ADGRE1: variants seen among roughly 807,000 people sequenced by gnomAD.
ADGRE1 encodes EGF-like module receptor 1.
Under a neutral mutation model 102.7 loss-of-function variants are expected in ADGRE1, and 82 were observed. The observed-to-expected ratio is 0.80, with a 90% CI of 0.67 to 0.96. The LOEUF is 0.96. Ranked by LOEUF, ADGRE1 falls within the 40% of genes least tolerant of loss-of-function variation. ADGRE1 has a pLI of 0.00. For synonymous variants in ADGRE1, 398 were observed against 399.6 expected (o/e 1.00, Z 0.05); for missense variants, 1,032 against 1,085.3 (o/e 0.95, Z 0.69).
At chr19:6,895,126 T>G (rs1409812549) in intron 2 of ADGRE1, 1 of 152,252 alleles carries the variant, frequency 6.6e-6, no homozygotes, top group African/African-American at 2.4e-5. Context: ...TTGTTGCCTC[T>G]CCAATCTTAG....
intron 15 of ADGRE1, 99 bp from the exon 16 acceptor site, chr19:6,926,267 G>A: frequency 1.5e-6 from 2 of 1,313,304 alleles, no homozygotes; most frequent in Non-Finnish European, 1.1e-6. Context: ...AGTGAGCTAG[G>A]TTTGGGGAAT....
Position 6,908,739 on chromosome 19 carries a change from G to T in ADGRE1, c.1089G>T (p.Val363=), listed in dbSNP as rs773721643. 4 of 1,595,030 alleles carry T rather than the reference G, an allele frequency of 2.5e-6. No homozygotes were observed. In the Admixed American group the frequency reaches 6.8e-5, roughly 27 times the overall value. Reference sequence around the variant, plus strand: ...ACATCTTCAGCGTTCTGGACAAAGTGTGTGAAAATAAAACGACCGTAGTTT... The same window carrying T: ...ACATCTTCAGCGTTCTGGACAAAGTTTGTGAAAATAAAACGACCGTAGTTT... ...INNIFSVLDK[V]CENKTTVVSL... is the part of the protein sequence containing the mutation. Residue 363 remains valine (V), a synonymous_variant, in exon 10 of 21, where the codon GTG becomes GTT. Transcript: ENST00000312053.
At chr19:6,937,160 A>C in intron 18 of ADGRE1, 83 bp from the exon 19 acceptor site, 1 of 1,486,330 alleles carries the variant, frequency 6.7e-7, no homozygotes, top group Non-Finnish European at 9.1e-7. Flanking sequence ...GAGAGTGGCC[A>C]CCTCAGACCA....
intron 14 of ADGRE1, 67 bp from the exon 15 acceptor site, chr19:6,924,611 C>G (rs1974806972): frequency 1.4e-6 from 2 of 1,479,632 alleles, no homozygotes; most frequent in Admixed American, 3.6e-5. Context: ...TTTTAGATAA[C>G]TCTTCTTCCC....
At chr19:6,913,854 G>T in intron 11 of ADGRE1, 24 bp downstream of exon 11, 1 of 1,533,598 alleles carries the variant, frequency 6.5e-7, no homozygotes, top group Non-Finnish European at 8.8e-7. Flanking sequence ...TTTGTGGCAA[G>T]GTTACACCTA....
intron 17 of ADGRE1, chr19:6,928,546 G>A (rs1975015460): frequency 2.9e-6 from 1 of 349,078 alleles, no homozygotes; most frequent in African/African-American, 2.1e-5. Context: ...AGAATCGCTT[G>A]AATCCAGGAG....
At chr19:6,910,570 CTTTTTTTT>C (rs11303491) in intron 10 of ADGRE1, among the ~76,000 whole-genome samples, 1 of 112,682 alleles carries the variant, frequency 8.9e-6, no homozygotes, top group Non-Finnish European at 1.7e-5. Context: ...TGTTCCAACT[CTTTTTTTT>C]TTTTTTTTTT....
rs1975480524 is a variant in ADGRE1 at position 6,937,664 on chromosome 19, C to T, written c.2655+16C>T. 6.2e-7 allele frequency: 1 copy of T among 1,611,810 alleles called. No individual in the cohort carries two copies. The highest frequency in any genetic ancestry group is 8.5e-7 in the Non-Finnish European group (1 of 1,178,188). The stretch of plus-strand genomic sequence containing the variant: ...TTCCAAGACGGTGAGAGACTGCATG[C>T]TCCCTGCAGGTGCTGGTCGAGGGAG... On this transcript the variant is annotated intron_variant, in intron 20 of 20. Transcript: ENST00000312053.
intron 17 of ADGRE1, among the ~76,000 whole-genome samples, chr19:6,934,061 A>G (rs1975279670): frequency 6.6e-6 from 1 of 152,176 alleles, no homozygotes; most frequent in Admixed American, 6.5e-5. Flanking sequence ...GTAGTCCAGT[A>G]GTACGAGAGT....
At chr19:6,917,259 A>G (rs1468689114) in intron 12 of ADGRE1, among the ~76,000 whole-genome samples, 1 of 152,260 alleles carries the variant, frequency 6.6e-6, no homozygotes, top group African/African-American at 2.4e-5. Context: ...ACTTTAATGT[A>G]AAAGCACAGT....
At chr19:6,911,606 T>TATAC (rs970037451) in intron 10 of ADGRE1, among the ~76,000 whole-genome samples, 2 of 147,210 alleles carry the variant, frequency 1.4e-5, no homozygotes, top group African/African-American at 4.9e-5. Context: ...CATACACACA[T>TATAC]ATACATACAT....
At position 6,924,840 on chromosome 19, in the gene ADGRE1, T is replaced by C; in HGVS notation, c.1954T>C (p.Phe652Leu). 6.2e-7 allele frequency: 1 copy of C among 1,614,148 alleles called. No individual in the cohort carries two copies. The highest frequency in any genetic ancestry group is 8.5e-7 in the Non-Finnish European group (1 of 1,180,026). Reference protein sequence around the residue: ...CVCLLLAKTLFLAGIHKTDNK... With the variant: ...CVCLLLAKTLLLAGIHKTDNK... ...GTGTCTCCTCTTGGCGAAGACTCTCTTCCTCGCCGGTATACACAAGACTGA... is the reference window on the plus strand; with the variant it reads ...GTGTCTCCTCTTGGCGAAGACTCTCCTCCTCGCCGGTATACACAAGACTGA... The change falls in exon 15 of 21, where the codon TTC becomes CTC. Residue 652 changes from phenylalanine to leucine, a missense_variant. Physicochemically the swap from Phe to Leu is conservative, Grantham distance 22. Coordinates refer to ENST00000312053, the MANE Select transcript of ADGRE1 (RefSeq NM_001974.5).
At chr19:6,905,397 G>C (rs1447678930) in intron 8 of ADGRE1, among the ~76,000 whole-genome samples, 1 of 148,666 alleles carries the variant, frequency 6.7e-6, no homozygotes, top group Non-Finnish European at 1.5e-5. Context: ...CTGTCGCCCA[G>C]ACTGGAGTGC....
chr19:6,905,434 C>A (rs1973919062), intron 8 of ADGRE1, among the ~76,000 whole-genome samples: 1 of 151,016 alleles, frequency 6.6e-6, no homozygotes, highest in Non-Finnish European at 1.5e-5. Context: ...CTCACTGCAA[C>A]CTCCACCTCC....
At chr19:6,898,282 T>C in intron 5 of ADGRE1, 2 of 1,591,336 alleles carry the variant, frequency 1.3e-6, no homozygotes, top group Non-Finnish European at 1.7e-6. Context: ...TATAAGTGAA[T>C]TTGTAACTCC....
At chr19:6,907,911 C>T (rs1974027793) in intron 9 of ADGRE1, among the ~76,000 whole-genome samples, 1 of 152,202 alleles carries the variant, frequency 6.6e-6, no homozygotes, top group African/African-American at 2.4e-5. Flanking sequence ...TTAGTTCATA[C>T]ATTTCCTCTT....
At chr19:6,897,699 A>G (rs1863385803) in intron 5 of ADGRE1, 152 bp downstream of exon 5, 3 of 787,314 alleles carry the variant, frequency 3.8e-6, no homozygotes, top group Admixed American at 7.9e-5. Context: ...ATCTTTTTCT[A>G]TCCCTTTACT....
intron 12 of ADGRE1, among the ~76,000 whole-genome samples, chr19:6,917,646 A>G (rs1445469577): frequency 6.7e-6 from 1 of 149,938 alleles, no homozygotes; most frequent in South Asian, 2.1e-4. Flanking sequence ...AGGCTGAGGT[A>G]GGAGAATTGC....
intron 16 of ADGRE1, among the ~76,000 whole-genome samples, chr19:6,927,479 C>G (rs1266917363): frequency 6.6e-6 from 1 of 151,968 alleles, no homozygotes; most frequent in African/African-American, 2.4e-5. Context: ...AGACAGTTTG[C>G]AGTTACACAA....
Sources: allele counts gnomAD v4.1 joint callset (sites outside exome capture counted in the v4.1 genomes callset), GRCh38; gene constraint gnomAD v4.1.1; transcripts MANE v1.5; gene names NCBI Gene and HGNC (gene_info 2026-07-23, HGNC 2026-07-21).